Variants in CDH7 observed in about 807,000 individuals in gnomAD.
CDH7 encodes the protein cadherin-7.
Under a neutral mutation model 71.8 loss-of-function variants are expected in CDH7, and 25 were observed. The observed-to-expected ratio is 0.35, with a 90% confidence interval of 0.25 to 0.49. The LOEUF is 0.49. Ranked by LOEUF, CDH7 falls within the 20% of genes least tolerant of loss-of-function variation. The probability of loss-of-function intolerance (pLI) is 0.99; values close to 1 mark genes in which losing one functional copy is unlikely to be tolerated. For missense variants in CDH7, 862 were observed against 974.6 expected (o/e 0.88, Z 1.54); for synonymous variants, 381 against 363.8 (o/e 1.05, Z -0.54).
At chr18:65,844,990 T>C (rs537387684) in intron 7 of CDH7, among the ~76,000 whole-genome samples, 2 of 152,180 alleles carry the variant, frequency 1.3e-5, no homozygotes, top group African/African-American at 2.4e-5. Context: ...TAGATTTAAA[T>C]AATATTTAAC....
Position 65,814,559 on chromosome 18 carries a change from A to C in CDH7, c.580A>C (p.Ser194Arg). Reference sequence around the variant, plus strand: ...TGGCAACAGTGCCAGAGTGGTCTACAGTATTCTGCAAGGACAGCCGTACTT... The same window carrying C: ...TGGCAACAGTGCCAGAGTGGTCTACCGTATTCTGCAAGGACAGCCGTACTT... The part of the protein sequence containing the change: ...TYGNSARVVY[S>R]ILQGQPYFSV... The change falls in exon 4 of 12, where the codon AGT (serine) becomes CGT (arginine). Residue 194 changes from serine to arginine, a missense_variant. Coordinates refer to ENST00000397968, the MANE Select transcript of CDH7 (RefSeq NM_004361.5). 6.2e-7 allele frequency: 1 copy of C among 1,613,794 alleles called. No individual in the cohort carries two copies. Among genetic ancestry groups the C allele is most frequent in the Non-Finnish European group, 8.5e-7 (1 of 1,179,776 alleles).
intron 11 of CDH7, chr18:65,863,725 A>G (rs1304360005): frequency 1.3e-5 from 2 of 152,230 alleles, no homozygotes; most frequent in Non-Finnish European, 2.9e-5. Flanking sequence ...AGTATTAAAT[A>G]CTAACACATT....
chr18:65,886,797 A>G lies in CDH7; in HGVS notation c.*5903A>G, dbSNP rs190092760. On this transcript the variant is annotated 3_prime_UTR_variant, in exon 12 of 12. Coordinates refer to ENST00000397968, the MANE Select transcript of CDH7 (RefSeq NM_004361.5). ...TAACATGAAAACCATCCTGAATGCAATGCACTCTTGATGACTCAAACTCAC... is the reference window on the plus strand; with the variant it reads ...TAACATGAAAACCATCCTGAATGCAGTGCACTCTTGATGACTCAAACTCAC... 4.6e-5 allele frequency: 7 copies of G among 152,292 alleles called. No individual in the cohort carries two copies. In the East Asian group the frequency reaches 9.7e-4, roughly 21 times the overall value. The allele number at this position is 152,292 out of a possible 1,614,324, so 9.4% of individuals were successfully genotyped here.
chr18:65,813,929 G>T (rs573804538), intron 3 of CDH7, among the ~76,000 whole-genome samples: 1 of 152,022 alleles, frequency 6.6e-6, no homozygotes, highest in African/African-American at 2.4e-5. Context: ...AGATCAATTG[G>T]CAGAGAAAAT....
chr18:65,832,699 C>T (rs1008586868), intron 6 of CDH7, among the ~76,000 whole-genome samples: 5 of 152,036 alleles, frequency 3.3e-5, no homozygotes, highest in Non-Finnish European at 7.4e-5. Flanking sequence ...AAAGAGTAAA[C>T]ATAAAGATTA....
chr18:65,757,472 A>G (rs1916063031), intron 1 of CDH7, among the ~76,000 whole-genome samples: 1 of 152,172 alleles, frequency 6.6e-6, no homozygotes. Flanking sequence ...TGCTTATCAC[A>G]GTACTACTTG....
chr18:65,850,061 G>T (rs1191765680), intron 7 of CDH7, among the ~76,000 whole-genome samples: 2 of 151,392 alleles, frequency 1.3e-5, no homozygotes, highest in Non-Finnish European at 2.9e-5. Context: ...CTACTCGGGA[G>T]GCTGAGGCTG....
intron 10 of CDH7, among the ~76,000 whole-genome samples, chr18:65,860,780 A>C (rs1913536245): frequency 6.6e-6 from 1 of 152,214 alleles, no homozygotes; most frequent in Non-Finnish European, 1.5e-5. Context: ...GAAGTTTTGC[A>C]TGAAGCCATC....
Position 65,852,752 on chromosome 18 carries a change from T to G in CDH7, c.1236-5064T>G, listed in dbSNP as rs552056737. Among the ~76,000 whole-genome samples, 530 of 152,224 alleles carry G rather than the reference T, an allele frequency of 3.5e-3. 3 individuals are homozygous for G. Among genetic ancestry groups the G allele is most frequent in the African/African-American group, 0.012 (493 of 41,542 alleles). On this transcript the variant is annotated intron_variant, in intron 7 of 11. Transcript: ENST00000397968. ...ATGGCTGCGTCTAATAAAAGCATGGTTCTCTTAACAAGAAGTAAGAGAAAT... is the reference window on the plus strand; with the variant it reads ...ATGGCTGCGTCTAATAAAAGCATGGGTCTCTTAACAAGAAGTAAGAGAAAT...
intron 7 of CDH7, among the ~76,000 whole-genome samples, chr18:65,844,269 A>G (rs1341528252): frequency 6.7e-6 from 1 of 148,948 alleles, no homozygotes; most frequent in African/African-American, 2.5e-5. Flanking sequence ...TATCAAGGCC[A>G]TTATCGTTGA....
chr18:65,850,069 C>T (rs539626208), intron 7 of CDH7, among the ~76,000 whole-genome samples: 1 of 151,358 alleles, frequency 6.6e-6, no homozygotes, highest in Non-Finnish European at 1.5e-5. Flanking sequence ...GAGGCTGAGG[C>T]TGAAGAATCT....
chr18:65,769,348 T>G (rs577020115), intron 2 of CDH7, among the ~76,000 whole-genome samples: 14 of 152,322 alleles, frequency 9.2e-5, no homozygotes, highest in East Asian at 3.9e-4. Context: ...TCTTGTTATT[T>G]TAAACACAGC....
intron 7 of CDH7, among the ~76,000 whole-genome samples, chr18:65,848,632 C>T (rs1449130233): frequency 2.0e-5 from 3 of 152,038 alleles, no homozygotes; most frequent in Non-Finnish European, 4.4e-5. Context: ...ATGAAATCAG[C>T]AAGTTCATTT....
chr18:65,827,306 G>T (rs1399593264), intron 6 of CDH7, among the ~76,000 whole-genome samples: 1 of 151,792 alleles, frequency 6.6e-6, no homozygotes, highest in Non-Finnish European at 1.5e-5. Context: ...CACACACAAT[G>T]TACAGGAGAA....
In CDH7 at chr18:65,814,490, T is replaced by G. The variant is rs1276238724; in HGVS notation, c.511T>G (p.Ser171Ala). The G allele has an allele frequency of 6.2e-7, 1 of 1,614,008 alleles. No individual in the cohort carries two copies. The highest frequency in any genetic ancestry group is 8.5e-7 in the Non-Finnish European group (1 of 1,179,922). Residue 171 changes from serine (S) to alanine (A), a missense_variant, in exon 4 of 12, where the codon TCA becomes GCA. Coordinates refer to ENST00000397968, the MANE Select transcript of CDH7 (RefSeq NM_004361.5). ...GTTTTGGGATTGGCATCTAGGGACCTCAGTGGTACAAGTGACAGCGACGGA... is the reference window on the plus strand; with the variant it reads ...GTTTTGGGATTGGCATCTAGGGACCGCAGTGGTACAAGTGACAGCGACGGA... Reference protein sequence around the residue: ...GVPEMSPVGTSVVQVTATDAD... With the variant: ...GVPEMSPVGTAVVQVTATDAD...
intron 2 of CDH7, among the ~76,000 whole-genome samples, chr18:65,793,800 T>G (rs193184846): frequency 4.8e-4 from 73 of 152,334 alleles, no homozygotes; most frequent in African/African-American, 1.6e-3. Context: ...GTCATCATGT[T>G]TCTTTGAACA....
intron 2 of CDH7, among the ~76,000 whole-genome samples, chr18:65,781,900 CTATCTTTCTCTCTT>C (rs1568181859): frequency 1.8e-4 from 10 of 55,796 alleles, no homozygotes; most frequent in South Asian, 7.4e-4. Flanking sequence ...CTCTTTCTCT[CTATCTTTCTCTCTT>C]TCTCTCTTTC....
At chr18:65,801,980 T>G (rs1303128423) in intron 2 of CDH7, among the ~76,000 whole-genome samples, 2 of 152,220 alleles carry the variant, frequency 1.3e-5, no homozygotes, top group African/African-American at 4.8e-5. Flanking sequence ...TTCTCCAAAA[T>G]GCCAGGTACA....
At chr18:65,792,131 C>G (rs575192827) in intron 2 of CDH7, among the ~76,000 whole-genome samples, 17 of 147,298 alleles carry the variant, frequency 1.2e-4, no homozygotes, top group Non-Finnish European at 1.9e-4. Flanking sequence ...AAAAATGGCT[C>G]TTAAAAGTTC....
Sources: gnomAD v4.1 joint callset for allele counts (sites outside exome capture counted in the v4.1 genomes callset) on GRCh38, gnomAD v4.1.1 for gene constraint, MANE v1.5 for transcripts, NCBI Gene and HGNC (gene_info 2026-07-23, HGNC 2026-07-21) for gene names.